CHEK2: variants seen among roughly 807,000 people sequenced by gnomAD.
The protein encoded by CHEK2 is checkpoint kinase 2, also known as serine/threonine-protein kinase Chk2.
CHEK2 carries 71 observed loss-of-function variants against 69.1 expected under a neutral mutation model. The ratio of observed to expected loss-of-function variants is 1.03; its 90% CI spans 0.85 to 1.25. The LOEUF is 1.25. Among genes scored for constraint, CHEK2 ranks in the 50% most tolerant of loss-of-function variants. The pLI, the probability that CHEK2 is intolerant of heterozygous loss-of-function variation, is 0.00. For missense variants in CHEK2, 664 were observed against 649.6 expected (o/e 1.02, Z -0.24); for synonymous variants, 189 against 226.9 (o/e 0.83, Z 1.50).
chr22:28,721,577 G>T, intron 4 of CHEK2: 1 of 452,902 alleles, frequency 2.2e-6, no homozygotes, highest in Non-Finnish European at 4.6e-6. Context: ...GTGAGCCACC[G>T]CGCCCCGCCG....
intron 7 of CHEK2, among the ~76,000 whole-genome samples, chr22:28,704,017 C>A (rs1203403404): frequency 6.6e-6 from 1 of 151,950 alleles, no homozygotes; most frequent in East Asian, 1.9e-4. Context: ...GGCAATTGGA[C>A]CCCATGGAAC....
At chr22:28,729,103 A>C (rs185374315) in intron 2 of CHEK2, among the ~76,000 whole-genome samples, 1 of 152,358 alleles carries the variant, frequency 6.6e-6, no homozygotes, top group Admixed American at 6.5e-5. Flanking sequence ...CTCATCTATG[A>C]GGCCAGCATA....
chr22:28,716,148 CAGGCATG>C (rs1203734829), intron 5 of CHEK2, among the ~76,000 whole-genome samples: 4 of 151,982 alleles, frequency 2.6e-5, no homozygotes, highest in Non-Finnish European at 4.4e-5. Flanking sequence ...GCTGGGGTTA[CAGGCATG>C]AGCCACCATA....
intron 1 of CHEK2, among the ~76,000 whole-genome samples, chr22:28,740,877 C>T (rs746156222): frequency 7.2e-5 from 11 of 151,982 alleles, no homozygotes; most frequent in African/African-American, 2.4e-4. Flanking sequence ...GAAAATAGGC[C>T]GGGCGCGGTG....
chr22:28,689,583 C>T (rs1021425918), intron 13 of CHEK2, among the ~76,000 whole-genome samples: 8 of 152,208 alleles, frequency 5.3e-5, no homozygotes, highest in Middle Eastern at 3.4e-3. Context: ...AAATCCTTCC[C>T]GGACCACTCT....
intron 2 of CHEK2, chr22:28,727,850 T>C (rs1165088134): frequency 6.6e-6 from 1 of 152,238 alleles, no homozygotes. Flanking sequence ...AAAAGTTTCA[T>C]ATCACCCTGT....
At chr22:28,704,954 G>A (rs1055530490) in intron 7 of CHEK2, among the ~76,000 whole-genome samples, 3 of 151,966 alleles carry the variant, frequency 2.0e-5, no homozygotes, top group African/African-American at 7.2e-5. Flanking sequence ...TCCCACCATA[G>A]ATGGGTCTTG....
At chr22:28,739,716 C>A (rs544531121) in intron 1 of CHEK2, among the ~76,000 whole-genome samples, 69 of 152,026 alleles carry the variant, frequency 4.5e-4, no homozygotes, top group Non-Finnish European at 5.4e-4. Context: ...AAAAAACCCA[C>A]AATGAGATAC....
chr22:28,712,632 A>G (rs2053444910), intron 5 of CHEK2, among the ~76,000 whole-genome samples: 1 of 152,212 alleles, frequency 6.6e-6, no homozygotes, highest in African/African-American at 2.4e-5. Context: ...TCTCCAAGCC[A>G]TTACCCAGAA....
intron 5 of CHEK2, among the ~76,000 whole-genome samples, chr22:28,716,320 C>T (rs1380390432): frequency 6.6e-6 from 1 of 151,914 alleles, no homozygotes; most frequent in Non-Finnish European, 1.5e-5. Context: ...CCTCAGCCTC[C>T]CAAGTAGCTG....
rs1057524667 is a variant in CHEK2 at position 28,734,509 on chromosome 22, G to C, written c.213C>G (p.Leu71=). Residue 71 remains leucine (L), a synonymous_variant, in exon 2 of 15, where the codon CTC becomes CTG. Transcript: ENST00000404276. ...SSLETVSTQE[L]YSIPEDQEPE... ...GTTCTTGGTCCTCAGGAATAGAATA[G>C]AGTTCCTGAGTGGACACTGTCTCTA... 1 of 1,613,986 alleles carries C rather than the reference G, an allele frequency of 6.2e-7. No individual in the cohort carries two copies. The highest frequency in any genetic ancestry group is 8.5e-7 in the Non-Finnish European group (1 of 1,179,940).
chr22:28,687,772 T>C lies in CHEK2; in HGVS notation c.*125A>G. The C allele has an allele frequency of 1.3e-6, 1 of 786,232 alleles. No individual in the cohort carries two copies. Among genetic ancestry groups the C allele is most frequent in the Non-Finnish European group, 2.1e-6 (1 of 465,844 alleles). 48.7% of individuals were successfully genotyped at this position (786,232 alleles called of 1,614,324 possible). A position where few individuals can be genotyped will look rare whatever the true frequency, so the allele number is the denominator to read the frequency against. On this transcript the variant is annotated 3_prime_UTR_variant, in exon 15 of 15. Transcript: ENST00000404276. ...GTTCCATCAGGTTTTTAATTGTACA[T>C]CAGTGACTGTGAAAAAGCAATTATT...
At position 28,741,169 on chromosome 22, in the gene CHEK2, A is replaced by AG. The variant is rs1555935752; in HGVS notation, c.-7+599_-7+600insC. On this transcript the variant is annotated intron_variant, in intron 1 of 14. Transcript: ENST00000404276. ...GTCTCAAAAAAAAAAAAAAAAAAAAAAAAGGTACAGATGGTAATCATATAT... is the reference window on the plus strand; with the variant it reads ...GTCTCAAAAAAAAAAAAAAAAAAAAAGAAAGGTACAGATGGTAATCATATAT... Among the ~76,000 whole-genome samples, 1,174 of 136,664 alleles carry AG rather than the reference A, an allele frequency of 8.6e-3. 143 individuals are homozygous for AG. The highest frequency in any genetic ancestry group is 0.02 in the African/African-American group (724 of 36,928). 89.7% of individuals were successfully genotyped at this position (136,664 alleles called of 152,430 possible). A position where few individuals can be genotyped will look rare whatever the true frequency, so the allele number is the denominator to read the frequency against.
In CHEK2 at chr22:28,694,210, C is replaced by T. The variant is rs533353088; in HGVS notation, c.1376-93G>A. On this transcript the variant is annotated intron_variant, in intron 12 of 14. Coordinates refer to ENST00000404276, the MANE Select transcript of CHEK2 (RefSeq NM_007194.4). ...TTAACAGGCCACCATTCAGAAAGAG[C>T]AGAGAGGGTCTGAGATCATCACGGA... The T allele has an allele frequency of 3.2e-5, 27 of 851,700 alleles. No individual in the cohort carries two copies. The African/African-American group carries it at 4.3e-4, about 14-fold the overall frequency. The allele number at this position is 851,700 out of a possible 1,614,324, so 52.8% of individuals were successfully genotyped here.
chr22:28,709,169 G>A (rs2145926362), intron 7 of CHEK2, among the ~76,000 whole-genome samples: 1 of 152,110 alleles, frequency 6.6e-6, no homozygotes, highest in South Asian at 2.1e-4. Flanking sequence ...CTTTTTAAAA[G>A]TGAGACACAT....
At chr22:28,726,013 G>T (rs1015062152) in intron 2 of CHEK2, among the ~76,000 whole-genome samples, 1 of 152,022 alleles carries the variant, frequency 6.6e-6, no homozygotes, top group Non-Finnish European at 1.5e-5. Context: ...GACCAGCCTG[G>T]CCAAGATGGT....
At chr22:28,734,286 T>C (rs2054304780) in intron 2 of CHEK2, 117 bp downstream of exon 2, 12 of 911,416 alleles carry the variant, frequency 1.3e-5, no homozygotes, top group Admixed American at 2.2e-5. Context: ...TGTTCAATTA[T>C]TTGTTCAACG....
At position 28,711,991 on chromosome 22, in the gene CHEK2, G is replaced by A. The variant is rs878854921; in HGVS notation, c.710C>T (p.Ala237Val). Reference protein sequence around the residue: ...GSGACGEVKLAFERKTCKKVA... With the variant: ...GSGACGEVKLVFERKTCKKVA... ...TTTCTTACATGTTTTCCTCTCGAAAGCCAGCTTTACCTCTCCACAGGCACC... is the reference window on the plus strand; with the variant it reads ...TTTCTTACATGTTTTCCTCTCGAAAACCAGCTTTACCTCTCCACAGGCACC... Residue 237 changes from alanine to valine, a missense_variant, in exon 6 of 15, where the codon GCT becomes GTT. Transcript: ENST00000404276. 4 of 1,613,254 alleles carry A rather than the reference G, an allele frequency of 2.5e-6. No individual in the cohort carries two copies. Among genetic ancestry groups the A allele is most frequent in the Non-Finnish European group, 3.4e-6 (4 of 1,179,718 alleles).
intron 9 of CHEK2, among the ~76,000 whole-genome samples, chr22:28,698,122 G>A (rs1038754646): frequency 2.0e-5 from 3 of 150,632 alleles, no homozygotes; most frequent in Non-Finnish European, 4.4e-5. Context: ...CGGGCACGGT[G>A]GCTCATGCCT....
Sources: gnomAD v4.1 joint callset for allele counts (sites outside exome capture counted in the v4.1 genomes callset) on GRCh38, gnomAD v4.1.1 for gene constraint, MANE v1.5 for transcripts, NCBI Gene and HGNC (gene_info 2026-07-23, HGNC 2026-07-21) for gene names.